PIP5K1B: variants seen among roughly 807,000 people sequenced by gnomAD.
The protein encoded by PIP5K1B is phosphatidylinositol 4-phosphate 5-kinase type-1 beta.
Under a neutral mutation model 67.0 loss-of-function variants are expected in PIP5K1B, and 42 were observed. The observed-to-expected ratio is 0.63, with a 90% CI of 0.49 to 0.81. The LOEUF is 0.81. Among genes scored for constraint, PIP5K1B ranks in the 30% least tolerant of loss-of-function variants. PIP5K1B has a pLI of 0.00. For synonymous variants in PIP5K1B, 214 were observed against 231.4 expected, an observed-to-expected ratio of 0.92 and a Z score of 0.68; for missense variants, 459 against 646.3, an observed-to-expected ratio of 0.71 and a Z score of 3.14.
At chr9:68,999,010 G>A (rs1047359499) in intron 15 of PIP5K1B, among the ~76,000 whole-genome samples, 25 of 152,200 alleles carry the variant, frequency 1.6e-4, no homozygotes, top group African/African-American at 4.3e-4. Context: ...CAAGGTGTCA[G>A]TAGTGCCACA....
At chr9:68,754,260 C>G (rs943799453) in intron 2 of PIP5K1B, among the ~76,000 whole-genome samples, 14 of 146,502 alleles carry the variant, frequency 9.6e-5, no homozygotes, top group African/African-American at 1.8e-4. Flanking sequence ...AGCTCCACCC[C>G]CCGGGTTCAC....
intron 1 of PIP5K1B, among the ~76,000 whole-genome samples, chr9:68,720,908 T>C (rs1263882039): frequency 6.6e-6 from 1 of 152,250 alleles, no homozygotes; most frequent in Non-Finnish European, 1.5e-5. Flanking sequence ...CTGTTGATCA[T>C]TGTCATCATC....
chr9:68,968,715 ATT>A (rs1554749541), intron 14 of PIP5K1B, among the ~76,000 whole-genome samples: 1 of 142,212 alleles, frequency 7.0e-6, no homozygotes, highest in African/African-American at 2.6e-5. Flanking sequence ...ATATATATAT[ATT>A]TTTTTTTTGC....
chr9:68,998,245 T>C (rs1587784496), intron 15 of PIP5K1B, among the ~76,000 whole-genome samples: 1 of 152,020 alleles, frequency 6.6e-6, no homozygotes, highest in Non-Finnish European at 1.5e-5. Context: ...TGAATAGAGA[T>C]GAGGTTTCCC....
At chr9:68,784,297 T>C (rs1831483318) in intron 2 of PIP5K1B, 1 of 157,678 alleles carries the variant, frequency 6.3e-6, no homozygotes, top group Non-Finnish European at 1.5e-5. Context: ...CAAGAAGTCC[T>C]AAAGTCAATA....
chr9:68,744,438 A>G (rs1829174950), intron 2 of PIP5K1B, among the ~76,000 whole-genome samples: 2 of 152,228 alleles, frequency 1.3e-5, no homozygotes, highest in South Asian at 2.1e-4. Context: ...CCTCATATAT[A>G]ATAAAAAGCC....
intron 14 of PIP5K1B, among the ~76,000 whole-genome samples, chr9:68,968,931 A>G (rs1175001283): frequency 3.9e-5 from 6 of 151,990 alleles, no homozygotes; most frequent in Admixed American, 6.6e-5. Context: ...AGAGGGAGGC[A>G]TTGTAAGGGA....
chr9:68,844,398 C>T (rs924033405), intron 4 of PIP5K1B, among the ~76,000 whole-genome samples: 1 of 152,164 alleles, frequency 6.6e-6, no homozygotes, highest in African/African-American at 2.4e-5. Context: ...ATTGAGCAAT[C>T]AACTATGCAT....
chr9:68,771,370 G>A (rs936836335), intron 2 of PIP5K1B, among the ~76,000 whole-genome samples: 2 of 152,284 alleles, frequency 1.3e-5, no homozygotes, highest in Non-Finnish European at 2.9e-5. Flanking sequence ...GAATGGCTGT[G>A]CTGTACACCT....
In PIP5K1B at chr9:68,999,104, T is replaced by G. The variant is rs956292809; in HGVS notation, c.1620+7847T>G. Among the ~76,000 whole-genome samples, 119 of 152,338 alleles carry G rather than the reference T, an allele frequency of 7.8e-4. 3 individuals are homozygous for G. The highest frequency in any genetic ancestry group is 7.7e-3 in the Admixed American group (118 of 15,302). ...CCACATGTCCCTTGGTCCTTTGATC[T>G]GCGTCACTGCTGCCATGTTCATATG... On this transcript the variant is annotated intron_variant, in intron 15 of 15. Coordinates refer to ENST00000265382, the MANE Select transcript of PIP5K1B (RefSeq NM_003558.4).
chr9:68,820,148 G>T lies in PIP5K1B; in HGVS notation c.-1+1603G>T, dbSNP rs566811064. 1.2e-4 allele frequency among the ~76,000 whole-genome samples: 18 copies of T among 152,210 alleles called. No individual in the cohort carries two copies. The East Asian group carries it at 3.5e-3, about 29-fold the overall frequency. On this transcript the variant is annotated intron_variant, in intron 3 of 15. Transcript: ENST00000265382. ...CAAAGTCTTAAAAGTGAAATTACTG[G>T]AATGGCATTCTTTAGGGAGGTCTTC... is the stretch of plus-strand genomic sequence containing the variant.
chr9:68,991,277 C>G lies in PIP5K1B; in HGVS notation c.1620+20C>G. The G allele has an allele frequency of 7.8e-7, 1 of 1,284,050 alleles. No individual in the cohort carries two copies. Among genetic ancestry groups the G allele is most frequent in the Non-Finnish European group, 1.1e-6 (1 of 878,938 alleles). 79.5% of individuals were successfully genotyped at this position (1,284,050 alleles called of 1,614,324 possible). ...TATTTAGTAAGTAATTTTTTAGTTT[C>G]CTCTCCTCCACTTCTGGTTTGTAAA... On this transcript the variant is annotated intron_variant, in intron 15 of 15. Transcript: ENST00000265382.
intron 15 of PIP5K1B, among the ~76,000 whole-genome samples, chr9:69,007,049 C>T (rs150190611): frequency 1.3e-5 from 2 of 152,306 alleles, no homozygotes; most frequent in Non-Finnish European, 2.9e-5. Flanking sequence ...CCTCTTCCTA[C>T]AGATTATTTT....
intron 1 of PIP5K1B, among the ~76,000 whole-genome samples, chr9:68,733,145 G>C (rs1828535445): frequency 6.6e-6 from 1 of 152,162 alleles, no homozygotes; most frequent in South Asian, 2.1e-4. Context: ...AGTCCTCTAA[G>C]AAGCCAACCA....
intron 1 of PIP5K1B, among the ~76,000 whole-genome samples, chr9:68,708,409 A>C (rs975116101): frequency 5.9e-5 from 9 of 152,358 alleles, no homozygotes; most frequent in Non-Finnish European, 1.2e-4. Flanking sequence ...GCCTACAGGC[A>C]TGTGCCTCCT....
chr9:68,923,725 A>G (rs182687059), intron 12 of PIP5K1B, among the ~76,000 whole-genome samples: 1 of 152,322 alleles, frequency 6.6e-6, no homozygotes, highest in Admixed American at 6.5e-5. Context: ...CCTTTTATGT[A>G]GTTATCAGTC....
chr9:68,997,443 C>A (rs974213901), intron 15 of PIP5K1B, among the ~76,000 whole-genome samples: 6 of 152,174 alleles, frequency 3.9e-5, no homozygotes, highest in Non-Finnish European at 1.5e-5. Flanking sequence ...CGATCCCCTA[C>A]CAACCAAAGA....
At chr9:68,941,040 A>T (rs1416189788) in intron 14 of PIP5K1B, 3 of 592,380 alleles carry the variant, frequency 5.1e-6, no homozygotes, top group Non-Finnish European at 6.3e-6. Context: ...CAATGGAAGA[A>T]GACAAATCTT....
In PIP5K1B at chr9:68,940,661, A is replaced by C; in HGVS notation, c.1373A>C (p.His458Pro). 6.2e-7 allele frequency: 1 copy of C among 1,613,740 alleles called. No individual in the cohort carries two copies. The highest frequency in any genetic ancestry group is 8.5e-7 in the Non-Finnish European group (1 of 1,179,794). The change falls in exon 14 of 16, where the codon CAC becomes CCC. Residue 458 changes from histidine (H) to proline (P), a missense_variant. By Grantham distance (77) the His-to-Pro change is moderately conservative. Transcript: ENST00000265382. ...TCGTTCCTAGCCCTGGGATCCCGACACAGGCCAGACCTGGTCCCTAGCACT... is the reference window on the plus strand; with the variant it reads ...TCGTTCCTAGCCCTGGGATCCCGACCCAGGCCAGACCTGGTCCCTAGCACT... Reference protein sequence around the residue: ...SLDEEALGSRHRPDLVPSTPS... With the variant: ...SLDEEALGSRPRPDLVPSTPS...
Sources: gnomAD v4.1 joint callset for allele counts (sites outside exome capture counted in the v4.1 genomes callset) on GRCh38, gnomAD v4.1.1 for gene constraint, MANE v1.5 for transcripts, NCBI Gene and HGNC (gene_info 2026-07-23, HGNC 2026-07-21) for gene names.